Variants in ZNF521 observed in about 807,000 individuals in gnomAD.
ZNF521 encodes zinc finger protein 521.
In ZNF521, 14 loss-of-function variants were observed where a neutral mutation model predicts 105.5. That is an observed-to-expected ratio of 0.13 (90% CI 0.09 to 0.21). The LOEUF is 0.21. ZNF521 is among the 10% of genes least tolerant of loss of function. The probability of loss-of-function intolerance (pLI) is 1.00; values close to 1 mark genes in which losing one functional copy is unlikely to be tolerated. For synonymous variants in ZNF521, 635 were observed against 606.0 expected (o/e 1.05, Z -0.70); for missense variants, 1,233 against 1,629.7 (o/e 0.76, Z 4.19).
intron 2 of ZNF521, among the ~76,000 whole-genome samples, chr18:25,330,037 A>T (rs192346826): frequency 6.6e-6 from 1 of 152,190 alleles, no homozygotes; most frequent in African/African-American, 2.4e-5. Flanking sequence ...AGACAGGAGC[A>T]TGCTTTTCTC....
At chr18:25,101,111 C>T (rs1186989355) in intron 5 of ZNF521, among the ~76,000 whole-genome samples, 1 of 152,284 alleles carries the variant, frequency 6.6e-6, no homozygotes, top group Middle Eastern at 3.4e-3. Flanking sequence ...TGCATGTGTA[C>T]ATCATTCATT....
intron 2 of ZNF521, among the ~76,000 whole-genome samples, chr18:25,349,983 G>A (rs1210685951): frequency 1.3e-5 from 2 of 151,614 alleles, no homozygotes; most frequent in East Asian, 3.9e-4. Context: ...GCTCCCCTCG[G>A]CCGCCCGCCC....
chr18:25,318,531 G>A (rs772417168), intron 3 of ZNF521, among the ~76,000 whole-genome samples: 35 of 152,160 alleles, frequency 2.3e-4, no homozygotes, highest in Non-Finnish European at 3.5e-4. Context: ...TATCATGGTG[G>A]TATCAGCAAG....
chr18:25,226,723 T>C lies in ZNF521; in HGVS notation c.1195A>G (p.Lys399Glu). ...CAGCTGTAGGTAACTTTTGCTTGTT[T>C]ACTCGAGGGACCAGTCATGTCAGGG... ...QTPDMTGPSS[K>E]QAKVTYSCIY... The change falls in exon 4 of 8, where the codon AAA (lysine) becomes GAA (glutamate). Residue 399 changes from lysine (K) to glutamate (E), a missense_variant. Around this residue, in one of 6 missense-constraint regions of ZNF521, gnomAD observed 380 missense variants for 478.0 expected, o/e 0.80. Coordinates refer to ENST00000361524, the MANE Select transcript of ZNF521 (RefSeq NM_015461.3). This position sits in a 1 kb window ranked among gnomAD's most constrained non-coding sequence, Gnocchi z 4.1. 1 of 1,614,174 alleles carries C rather than the reference T, an allele frequency of 6.2e-7. No individual in the cohort carries two copies. The highest frequency in any genetic ancestry group is 8.5e-7 in the Non-Finnish European group (1 of 1,180,014).
intron 4 of ZNF521, among the ~76,000 whole-genome samples, chr18:25,204,684 A>G (rs4355010): frequency 0.017 from 2,621 of 152,252 alleles, 71 homozygotes; most frequent in African/African-American, 0.055. Flanking sequence ...GATGTCTCAC[A>G]TTAAACACTG....
intron 4 of ZNF521, among the ~76,000 whole-genome samples, chr18:25,214,733 G>A (rs2036251073): frequency 1.3e-5 from 2 of 152,066 alleles, no homozygotes; most frequent in African/African-American, 2.4e-5. Context: ...TGATTTGTGT[G>A]ATCCTCAGGT....
At chr18:25,323,924 A>T (rs896673255) in intron 2 of ZNF521, among the ~76,000 whole-genome samples, 1 of 143,698 alleles carries the variant, frequency 7.0e-6, no homozygotes, top group Non-Finnish European at 1.5e-5. Context: ...TTGGGTTCTT[A>T]AAAAAAAAAA....
At chr18:25,190,714 G>A (rs112555124) in intron 5 of ZNF521, among the ~76,000 whole-genome samples, 185 of 152,260 alleles carry the variant, frequency 1.2e-3, no homozygotes, top group African/African-American at 4.3e-3. Flanking sequence ...CAAATTGCAG[G>A]AAGTATGAAT....
chr18:25,067,062 G>A (rs1040089664), intron 7 of ZNF521, among the ~76,000 whole-genome samples: 1 of 152,142 alleles, frequency 6.6e-6, no homozygotes. Flanking sequence ...GAAAACTTCT[G>A]TAATCCCACA....
At chr18:25,094,028 C>T (rs779354402) in intron 5 of ZNF521, among the ~76,000 whole-genome samples, 8 of 152,128 alleles carry the variant, frequency 5.3e-5, no homozygotes, top group Non-Finnish European at 8.8e-5. Context: ...AAGGTTACTA[C>T]GGGTTTTCAT....
intron 3 of ZNF521, among the ~76,000 whole-genome samples, chr18:25,295,960 A>G (rs1424501161): frequency 1.3e-5 from 2 of 152,202 alleles, no homozygotes; most frequent in Non-Finnish European, 2.9e-5. Context: ...TACAATTGTC[A>G]CACTTTTTGC....
chr18:25,349,244 G>A (rs1914594669), intron 2 of ZNF521, among the ~76,000 whole-genome samples: 1 of 152,126 alleles, frequency 6.6e-6, no homozygotes, highest in South Asian at 2.1e-4. Flanking sequence ...AGAAAGCCGG[G>A]GTCTCGGGCA....
At chr18:25,218,473 C>T (rs555593766) in intron 4 of ZNF521, among the ~76,000 whole-genome samples, 5 of 130,602 alleles carry the variant, frequency 3.8e-5, no homozygotes, top group South Asian at 2.6e-4. Flanking sequence ...AATGAGACCT[C>T]GAGCCTACTA....
intron 3 of ZNF521, among the ~76,000 whole-genome samples, chr18:25,260,302 T>A (rs1353216671): frequency 6.6e-6 from 1 of 152,048 alleles, no homozygotes; most frequent in Non-Finnish European, 1.5e-5. Context: ...TCTCCTAAGG[T>A]TGGCCAGAAG....
chr18:25,341,112 C>T (rs572578981), intron 2 of ZNF521, among the ~76,000 whole-genome samples: 75 of 152,116 alleles, frequency 4.9e-4, no homozygotes, highest in African/African-American at 1.8e-3. Flanking sequence ...ATCAAGACAC[C>T]CAATATCATT....
intron 5 of ZNF521, among the ~76,000 whole-genome samples, chr18:25,096,782 C>A (rs1346392154): frequency 6.6e-6 from 1 of 152,146 alleles, no homozygotes; most frequent in Non-Finnish European, 1.5e-5. Flanking sequence ...GTCCTCCAGC[C>A]TCTTCCACTG....
At chr18:25,158,462 G>T (rs1472407445) in intron 5 of ZNF521, among the ~76,000 whole-genome samples, 2 of 151,886 alleles carry the variant, frequency 1.3e-5, no homozygotes, top group Admixed American at 6.6e-5. Context: ...CAAAAATACA[G>T]ATTATTCAAA....
chr18:25,186,334 G>A lies in ZNF521; in HGVS notation c.3658+8826C>T, dbSNP rs560765850. On this transcript the variant is annotated intron_variant, in intron 5 of 7. Coordinates refer to ENST00000361524, the MANE Select transcript of ZNF521 (RefSeq NM_015461.3). The stretch of plus-strand genomic sequence containing the variant: ...CAGAACATACTTGACTGGGCAGGAG[G>A]TAGAGCCCTGCTTAAACTAATCCTG... 2.0e-5 allele frequency among the ~76,000 whole-genome samples: 3 copies of A among 152,288 alleles called. No individual in the cohort carries two copies. The South Asian group carries it at 6.2e-4, about 32-fold the overall frequency.
chr18:25,140,270 A>T (rs554811088), intron 5 of ZNF521, among the ~76,000 whole-genome samples: 6 of 152,322 alleles, frequency 3.9e-5, no homozygotes, highest in South Asian at 4.1e-4. Flanking sequence ...AACAAAAAGG[A>T]AAGCAGCCAA....
Sources: allele counts gnomAD v4.1 joint callset (sites outside exome capture counted in the v4.1 genomes callset), GRCh38; gene constraint gnomAD v4.1.1; regional missense constraint gnomAD v4.1.1; non-coding constraint Gnocchi (gnomAD v3.1); transcripts MANE v1.5; gene names NCBI Gene and HGNC (gene_info 2026-07-23, HGNC 2026-07-21).